SOD2: variants seen among roughly 807,000 people sequenced by gnomAD.
SOD2 encodes superoxide dismutase [Mn], mitochondrial.
Under a neutral mutation model 27.0 loss-of-function variants are expected in SOD2, and 11 were observed. The ratio of observed to expected loss-of-function variants is 0.41; its 90% CI spans 0.26 to 0.67. SOD2 has a LOEUF of 0.67. Among genes scored for constraint, SOD2 ranks in the 30% least tolerant of loss-of-function variants. The probability of loss-of-function intolerance (pLI) is 0.34; values close to 1 mark genes in which losing one functional copy is unlikely to be tolerated. For synonymous variants in SOD2, 105 were observed against 103.0 expected (o/e 1.02, Z -0.12); for missense variants, 250 against 274.5 (o/e 0.91, Z 0.63).
intron 1 of SOD2, among the ~76,000 whole-genome samples, chr6:159,718,325 C>T (rs1467911173): frequency 1.3e-5 from 2 of 152,146 alleles, no homozygotes. Context: ...CTTATCCATT[C>T]ATCTGTTGAT....
At chr6:159,743,610 G>A in intron 1 of SOD2, 2 of 1,499,218 alleles carry the variant, frequency 1.3e-6, no homozygotes, top group Non-Finnish European at 9.0e-7. Context: ...TCTTGACAGA[G>A]GTATTTAGAA....
In SOD2 at chr6:159,679,172, T is replaced by C. The variant is rs939084993; in HGVS notation, c.*3321A>G. 1.3e-5 allele frequency: 2 copies of C among 152,160 alleles called. No individual in the cohort carries two copies. The highest frequency in any genetic ancestry group is 4.8e-5 in the African/African-American group (2 of 41,422). The allele number at this position is 152,160 out of a possible 1,614,324, so 9.4% of individuals were successfully genotyped here. ...TCAAAAACTTCACACAATTGGAAAA[T>C]AAATGTTTCTTCAATGAATAATCAA... is the stretch of plus-strand genomic sequence containing the variant. On this transcript the variant is annotated 3_prime_UTR_variant, in exon 5 of 5. Transcript: ENST00000538183.
At chr6:159,698,310 A>T (rs533442561) in intron 1 of SOD2, among the ~76,000 whole-genome samples, 1 of 151,292 alleles carries the variant, frequency 6.6e-6, no homozygotes, top group African/African-American at 2.4e-5. Context: ...ACAAAACAAA[A>T]AAAACACTTG....
chr6:159,719,943 C>T (rs947550656), intron 1 of SOD2, among the ~76,000 whole-genome samples: 3 of 151,184 alleles, frequency 2.0e-5, no homozygotes, highest in African/African-American at 4.9e-5. Flanking sequence ...AGGCTGGTCT[C>T]GAACTCCCGA....
intron 1 of SOD2, chr6:159,753,559 A>T (rs758477841): frequency 6.2e-7 from 1 of 1,614,226 alleles, no homozygotes; most frequent in Non-Finnish European, 8.5e-7. Flanking sequence ...CACAACTTGA[A>T]GCAGAGTTGG....
chr6:159,682,786 C>T (rs1780018012), intron 4 of SOD2, 148 bp from the exon 5 acceptor site: 1 of 674,242 alleles, frequency 1.5e-6, no homozygotes, highest in African/African-American at 1.9e-5. Context: ...AGTAGGAAAT[C>T]TAGATAAGAA....
chr6:159,720,663 T>C (rs1029512327), intron 1 of SOD2: 1 of 152,114 alleles, frequency 6.6e-6, no homozygotes, highest in Non-Finnish European at 1.5e-5. Flanking sequence ...TTATTGCTTA[T>C]AGTCTTACGA....
intron 1 of SOD2, among the ~76,000 whole-genome samples, chr6:159,754,501 T>G (rs1394270150): frequency 6.6e-6 from 1 of 152,186 alleles, no homozygotes; most frequent in Non-Finnish European, 1.5e-5. Context: ...TCAAAACAAT[T>G]TTAACTTGGT....
rs1019929629 is a variant in SOD2, at chr6:159,716,245, C to T, written c.-116+10884G>A. Among the ~76,000 whole-genome samples, 5 of 152,284 alleles carry T rather than the reference C, an allele frequency of 3.3e-5. 1 individual carries two copies. In the Middle Eastern group the frequency reaches 0.01, roughly 311 times the overall value. ...TAAATATAAGGACATATCTGTTTTA[C>T]CTAATAAAAAGTACAAGAACTGGCA... is the stretch of plus-strand genomic sequence containing the variant. On this transcript the variant is annotated intron_variant, in intron 1 of 2. Coordinates refer to the SOD2 transcript ENST00000401980.
intron 1 of SOD2, chr6:159,739,020 A>T: frequency 6.2e-7 from 1 of 1,612,070 alleles, no homozygotes; most frequent in Non-Finnish European, 8.5e-7. Flanking sequence ...CTTCAAAGTT[A>T]TGGCAAGAGA....
intron 1 of SOD2, among the ~76,000 whole-genome samples, chr6:159,709,270 T>A (rs1777684476): frequency 1.3e-5 from 2 of 151,956 alleles, no homozygotes; most frequent in South Asian, 4.1e-4. Flanking sequence ...ACAGATGGGA[T>A]CTAATTAACC....
At chr6:159,760,374 A>G (rs1051616914) in intron 1 of SOD2, 2 of 151,928 alleles carry the variant, frequency 1.3e-5, no homozygotes, top group Admixed American at 6.6e-5. Context: ...GGTTCAAGCG[A>G]TTTTCCCATG....
Position 159,671,882 on chromosome 6 carries a change from T to G in SOD2, c.*10611A>C, listed in dbSNP as rs746438381. ...AAATGGCTAACTAGAATAACCAGCATAGAGAAGTCCTTAAATGACCTGATG... is the reference window on the plus strand; with the variant it reads ...AAATGGCTAACTAGAATAACCAGCAGAGAGAAGTCCTTAAATGACCTGATG... On this transcript the variant is annotated 3_prime_UTR_variant, in exon 5 of 5. Transcript: ENST00000538183. The G allele has an allele frequency of 6.6e-6, 1 of 152,104 alleles. No individual in the cohort carries two copies. The highest frequency in any genetic ancestry group is 6.6e-5 in the Admixed American group (1 of 15,264). 9.4% of individuals were successfully genotyped at this position (152,104 alleles called of 1,614,324 possible).
intron 1 of SOD2, among the ~76,000 whole-genome samples, chr6:159,743,327 G>T (rs531838450): frequency 6.6e-6 from 1 of 152,234 alleles, no homozygotes; most frequent in Non-Finnish European, 1.5e-5. Flanking sequence ...GATTACAGGC[G>T]TGAGCCTCTG....
chr6:159,731,380 A>G (rs1285645243), upstream of SOD2, among the ~76,000 whole-genome samples: 1 of 151,798 alleles, frequency 6.6e-6, no homozygotes, highest in African/African-American at 2.4e-5. Context: ...AGGCAAGAGG[A>G]TCAGTTGAGC....
At chr6:159,737,234 A>T (rs368867976) in intron 1 of SOD2, among the ~76,000 whole-genome samples, 1 of 152,262 alleles carries the variant, frequency 6.6e-6, no homozygotes, top group East Asian at 1.9e-4. Flanking sequence ...TTTCTTGTAG[A>T]GATGGGGTTT....
In SOD2 at chr6:159,682,459, A is replaced by G; in HGVS notation, c.*34T>C. 2 of 1,600,172 alleles carry G rather than the reference A, an allele frequency of 1.2e-6. No homozygotes were observed. Among genetic ancestry groups the G allele is most frequent in the Non-Finnish European group, 1.7e-6 (2 of 1,172,726 alleles). ...CTATACCACTACAAAAACAGTCATA[A>G]AGAGCTTAACATACTCAGCATAACG... On this transcript the variant is annotated 3_prime_UTR_variant, in exon 5 of 5. Transcript: ENST00000538183.
chr6:159,739,023 G>A, intron 1 of SOD2: 1 of 1,611,580 alleles, frequency 6.2e-7, no homozygotes, highest in Non-Finnish European at 8.5e-7. Context: ...CAAAGTTATG[G>A]CAAGAGATGA....
chr6:159,723,607 A>G (rs1020159058), intron 1 of SOD2, among the ~76,000 whole-genome samples: 3 of 152,224 alleles, frequency 2.0e-5, no homozygotes, highest in East Asian at 1.9e-4. Context: ...TAGGGTGCCC[A>G]TGCCTATACA....
Sources: gnomAD v4.1 joint callset for allele counts (sites outside exome capture counted in the v4.1 genomes callset) on GRCh38, gnomAD v4.1.1 for gene constraint, MANE v1.5 for transcripts, NCBI Gene and HGNC (gene_info 2026-07-23, HGNC 2026-07-21) for gene names.